ECE1: variants seen among roughly 807,000 people sequenced by gnomAD.
The protein encoded by ECE1 is endothelin-converting enzyme 1.
Under a neutral mutation model 98.6 loss-of-function variants are expected in ECE1, and 35 were observed. The observed-to-expected ratio is 0.35, with a 90% CI of 0.27 to 0.47. The LOEUF is 0.47. Among genes scored for constraint, ECE1 ranks in the 20% least tolerant of loss-of-function variants. ECE1 has a pLI of 1.00. For missense variants in ECE1, 814 were observed against 1,025.3 expected, an observed-to-expected ratio of 0.79 and a Z score of 2.81; for synonymous variants, 394 against 407.1, an observed-to-expected ratio of 0.97 and a Z score of 0.39.
At chr1:21,341,153 C>T (rs1362467310) in intron 1 of ECE1, among the ~76,000 whole-genome samples, 2 of 152,094 alleles carry the variant, frequency 1.3e-5, no homozygotes, top group Non-Finnish European at 1.5e-5. Flanking sequence ...AATCCCACAG[C>T]CCCCCGCGTG....
At chr1:21,253,833 C>T (rs1450991974) in intron 8 of ECE1, among the ~76,000 whole-genome samples, 2 of 147,904 alleles carry the variant, frequency 1.4e-5, no homozygotes, top group South Asian at 2.2e-4. Context: ...CACTTTGGGA[C>T]GCCGAGGCGG....
At chr1:21,276,680 C>CATT (rs1225363720) in intron 3 of ECE1, among the ~76,000 whole-genome samples, 3 of 143,908 alleles carry the variant, frequency 2.1e-5, no homozygotes, top group African/African-American at 7.5e-5. Context: ...ATCAGATTTG[C>CATT]TTTCTTTTTT....
In ECE1 at chr1:21,225,212, C is replaced by T. The variant is rs1481569835; in HGVS notation, c.2040+38G>A. 1.9e-6 allele frequency: 3 copies of T among 1,611,118 alleles called. No homozygotes were observed. The highest frequency in any genetic ancestry group is 2.5e-6 in the Non-Finnish European group (3 of 1,179,010). On this transcript the variant is annotated intron_variant, in intron 17 of 18. Transcript: ENST00000374893. The surrounding 1 kb of genome is among the most constrained non-coding windows in gnomAD (Gnocchi z 5.3). ...CGGACAGGCATCTGGAAGGAGCCAG[C>T]ACTGGGACCGTGCGCGTGTGGGGAG...
intron 1 of ECE1, among the ~76,000 whole-genome samples, chr1:21,333,003 C>T (rs1317743800): frequency 1.3e-5 from 2 of 152,170 alleles, no homozygotes; most frequent in East Asian, 3.9e-4. Flanking sequence ...GCTCCTCTCA[C>T]TGAATATTTG....
chr1:21,305,872 C>G (rs563245763), intron 1 of ECE1, among the ~76,000 whole-genome samples: 2 of 152,326 alleles, frequency 1.3e-5, no homozygotes, highest in South Asian at 2.1e-4. Context: ...GGACAGGGAG[C>G]CACCTCGATC....
At chr1:21,256,207 G>C (rs564772523) in intron 7 of ECE1, 69 bp from the exon 8 acceptor site, 1 of 1,523,504 alleles carries the variant, frequency 6.6e-7, no homozygotes, top group African/African-American at 1.4e-5. Context: ...AGTTGGTGGG[G>C]GGCTTGGCCA....
At chr1:21,311,631 A>G (rs555250051) in intron 1 of ECE1, among the ~76,000 whole-genome samples, 1 of 151,418 alleles carries the variant, frequency 6.6e-6, no homozygotes, top group East Asian at 1.9e-4. Flanking sequence ...CCTGGGCAAC[A>G]TTGTAAAACC....
At chr1:21,262,397 C>T (rs1038631735) in intron 4 of ECE1, among the ~76,000 whole-genome samples, 1 of 152,146 alleles carries the variant, frequency 6.6e-6, no homozygotes, top group Non-Finnish European at 1.5e-5. Context: ...GGGAGTGCCT[C>T]GCCCCTCCCA....
intron 2 of ECE1, among the ~76,000 whole-genome samples, chr1:21,286,469 C>A (rs1244093920): frequency 5.9e-5 from 9 of 152,128 alleles, no homozygotes; most frequent in Admixed American, 5.9e-4. Context: ...TAATATTAAC[C>A]CCATTTTACA....
intron 3 of ECE1, among the ~76,000 whole-genome samples, chr1:21,277,685 T>C (rs1021738668): frequency 1.4e-4 from 22 of 152,198 alleles, no homozygotes; most frequent in African/African-American, 4.8e-4. Context: ...AACATTAATT[T>C]ATTCATTTTA....
chr1:21,337,461 G>C (rs1639323829), intron 1 of ECE1, among the ~76,000 whole-genome samples: 2 of 152,220 alleles, frequency 1.3e-5, no homozygotes, highest in African/African-American at 4.8e-5. Context: ...TTCACACTTT[G>C]GTCCAGGTAG....
intron 1 of ECE1, among the ~76,000 whole-genome samples, chr1:21,325,184 T>G (rs573988774): frequency 5.4e-4 from 82 of 152,354 alleles, no homozygotes; most frequent in Non-Finnish European, 1.0e-3. Flanking sequence ...TGTGACTAGA[T>G]GAACCATAAA....
chr1:21,293,492 A>AAGGG (rs1044821346), upstream of ECE1: 18 of 152,116 alleles, frequency 1.2e-4, no homozygotes, highest in African/African-American at 4.1e-4. Context: ...GGCGGGAGGC[A>AAGGG]AGGGAGGGAG....
intron 4 of ECE1, among the ~76,000 whole-genome samples, chr1:21,263,037 C>T (rs2098229089): frequency 6.6e-6 from 1 of 152,156 alleles, no homozygotes; most frequent in Admixed American, 6.5e-5. Flanking sequence ...GAGAACATCC[C>T]AGAGGCCTTG....
intron 1 of ECE1, among the ~76,000 whole-genome samples, chr1:21,316,242 G>A (rs924483502): frequency 6.6e-6 from 1 of 152,118 alleles, no homozygotes; most frequent in Non-Finnish European, 1.5e-5. Flanking sequence ...CCATGATGCC[G>A]TGGGTTTATC....
chr1:21,272,996 G>C (rs1405909360), intron 3 of ECE1, 85 bp from the exon 4 acceptor site: 3 of 1,472,066 alleles, frequency 2.0e-6, no homozygotes, highest in African/African-American at 2.8e-5. Context: ...GGGCCCAGGG[G>C]CCACATGTCC....
intron 3 of ECE1, among the ~76,000 whole-genome samples, chr1:21,276,882 A>T (rs776638784): frequency 6.6e-6 from 1 of 151,960 alleles, no homozygotes; most frequent in African/African-American, 2.4e-5. Context: ...ATCCCTGGCT[A>T]ATTTTTGTAT....
At chr1:21,237,849 C>T in intron 11 of ECE1, among the ~76,000 whole-genome samples, 1 of 152,248 alleles carries the variant, frequency 6.6e-6, no homozygotes, top group East Asian at 1.9e-4. Context: ...CTCTCTGGGT[C>T]GTTCACAGCC....
chr1:21,306,809 A>C (rs919330436), intron 1 of ECE1, among the ~76,000 whole-genome samples: 5 of 152,178 alleles, frequency 3.3e-5, no homozygotes, highest in African/African-American at 7.2e-5. Context: ...AAGACAGGGC[A>C]GCAGCGAGGT....
Sources: allele counts gnomAD v4.1 joint callset (sites outside exome capture counted in the v4.1 genomes callset), GRCh38; gene constraint gnomAD v4.1.1; non-coding constraint Gnocchi (gnomAD v3.1); transcripts MANE v1.5; gene names NCBI Gene and HGNC (gene_info 2026-07-23, HGNC 2026-07-21).